PTRH2: variants seen among roughly 807,000 people sequenced by gnomAD.
PTRH2 encodes peptidyl-tRNA hydrolase 2.
In PTRH2, 10 loss-of-function variants were observed where a neutral mutation model predicts 12.3. The observed-to-expected ratio is 0.81, with a 90% CI of 0.50 to 1.38. PTRH2 has a LOEUF of 1.38. Among genes scored for constraint, PTRH2 ranks in the 40% most tolerant of loss-of-function variants. The probability of loss-of-function intolerance (pLI) is 0.00; values close to 1 mark genes in which losing one functional copy is unlikely to be tolerated. For synonymous variants in PTRH2, 73 were observed against 77.4 expected, an observed-to-expected ratio of 0.94 and a Z score of 0.30; for missense variants, 176 against 214.1, an observed-to-expected ratio of 0.82 and a Z score of 1.11.
chr17:59,697,663 T>G lies in PTRH2; in HGVS notation c.316A>C (p.Lys106Gln). ...QIQRRNPEMLKQWEYCGQPKV... is the reference protein window; with the variant it reads ...QIQRRNPEMLQQWEYCGQPKV... ...GGCTGGCCACAGTATTCCCATTGTT[T>G]GAGCATTTCAGGATTTCTTCTTTGA... The change falls in exon 2 of 2, where the codon AAA becomes CAA. Residue 106 changes from lysine (K) to glutamine (Q), a missense_variant. Coordinates refer to ENST00000393038, the MANE Select transcript of PTRH2 (RefSeq NM_016077.5). 1 of 1,614,228 alleles carries G rather than the reference T, an allele frequency of 6.2e-7. No homozygotes were observed. The highest frequency in any genetic ancestry group is 8.5e-7 in the Non-Finnish European group (1 of 1,180,030).
At chr17:59,706,687 T>C (rs2033674731) in intron 1 of PTRH2, among the ~76,000 whole-genome samples, 1 of 151,608 alleles carries the variant, frequency 6.6e-6, no homozygotes, top group Non-Finnish European at 1.5e-5. Context: ...TTTTTTTTTT[T>C]TTCTGAGACG....
At chr17:59,700,112 G>A (rs1422482976) in intron 1 of PTRH2, 2 of 152,208 alleles carry the variant, frequency 1.3e-5, no homozygotes, top group African/African-American at 4.8e-5. Flanking sequence ...CTACTGAATG[G>A]GTGTCTCTTT....
chr17:59,698,536 T>G (rs1567985178), intron 1 of PTRH2: 1 of 248,652 alleles, frequency 4.0e-6, no homozygotes, highest in Non-Finnish European at 7.8e-6. Context: ...GCTGAAAAAC[T>G]TAATAACTGA....
chr17:59,697,482 G>A lies in PTRH2; in HGVS notation c.497C>T (p.Ala166Val). 1 of 1,613,874 alleles carries A rather than the reference G, an allele frequency of 6.2e-7. No homozygotes were observed. Among genetic ancestry groups the A allele is most frequent in the South Asian group, 1.1e-5 (1 of 91,064 alleles). ...QTVLGIGPGP[A>V]DLIDKVTGHL... ...ACCAGTGACTTTGTCAATTAGGTCT[G>A]CTGGTCCTGGCCCAATCCCTAGGAC... Residue 166 changes from alanine (A) to valine (V), a missense_variant, in exon 2 of 2, where the codon GCA (alanine) becomes GTA (valine). Transcript: ENST00000393038.
At chr17:59,702,594 T>C (rs906632088) in intron 1 of PTRH2, among the ~76,000 whole-genome samples, 1 of 152,182 alleles carries the variant, frequency 6.6e-6, no homozygotes, top group African/African-American at 2.4e-5. Context: ...CAGTTGGCAA[T>C]AGATACAGGG....
At chr17:59,705,629 A>G (rs951111849) in intron 1 of PTRH2, among the ~76,000 whole-genome samples, 5 of 152,130 alleles carry the variant, frequency 3.3e-5, no homozygotes, top group Non-Finnish European at 7.4e-5. Context: ...TGGTCTTGCT[A>G]TGTTGCCCAG....
chr17:59,702,927 A>G (rs1295765221), intron 1 of PTRH2, among the ~76,000 whole-genome samples: 4 of 152,182 alleles, frequency 2.6e-5, no homozygotes, highest in Admixed American at 2.6e-4. Flanking sequence ...ATTGTACGCT[A>G]ATAAATTAAG....
chr17:59,699,027 A>G (rs2033506037), intron 1 of PTRH2: 1 of 618,298 alleles, frequency 1.6e-6, no homozygotes, highest in Non-Finnish European at 2.9e-6. Context: ...TGGGACATCA[A>G]CACTAGTTGA....
intron 1 of PTRH2, among the ~76,000 whole-genome samples, chr17:59,704,378 C>G (rs976158552): frequency 1.3e-5 from 2 of 151,956 alleles, no homozygotes; most frequent in Middle Eastern, 3.4e-3. Context: ...AAAGACATCT[C>G]AGAGATATCT....
At chr17:59,705,355 G>T (rs1373426294) in intron 1 of PTRH2, among the ~76,000 whole-genome samples, 1 of 152,118 alleles carries the variant, frequency 6.6e-6, no homozygotes, top group African/African-American at 2.4e-5. Flanking sequence ...CACATAAAAA[G>T]GAAGATATAT....
At chr17:59,702,029 T>C (rs1360332409) in intron 1 of PTRH2, among the ~76,000 whole-genome samples, 1 of 152,130 alleles carries the variant, frequency 6.6e-6, no homozygotes, top group African/African-American at 2.4e-5. Context: ...TAGCTCAAAA[T>C]TTCCACAATA....
chr17:59,703,708 G>C (rs1166484076), intron 1 of PTRH2, among the ~76,000 whole-genome samples: 1 of 152,064 alleles, frequency 6.6e-6, no homozygotes, highest in Non-Finnish European at 1.5e-5. Flanking sequence ...GTTTCACCAG[G>C]TTGGCCAGGC....
intron 1 of PTRH2, chr17:59,699,158 T>A (rs1035506746): frequency 3.2e-5 from 12 of 377,998 alleles, no homozygotes; most frequent in East Asian, 9.6e-5. Context: ...TCTGCGCCTG[T>A]CAACTGTGGC....
At chr17:59,699,505 A>G (rs527429240) in intron 1 of PTRH2, 1 of 153,420 alleles carries the variant, frequency 6.5e-6, no homozygotes, top group South Asian at 2.1e-4. Flanking sequence ...ATTTGTGTAT[A>G]TGTAGGATCA....
At chr17:59,701,745 G>A (rs564705440) in intron 1 of PTRH2, among the ~76,000 whole-genome samples, 4 of 151,926 alleles carry the variant, frequency 2.6e-5, no homozygotes, top group East Asian at 1.9e-4. Context: ...TCGCTCTGTC[G>A]CCCAGGCTAG....
At chr17:59,705,108 A>C (rs1034526053) in intron 1 of PTRH2, among the ~76,000 whole-genome samples, 1 of 152,198 alleles carries the variant, frequency 6.6e-6, no homozygotes, top group Admixed American at 6.5e-5. Flanking sequence ...TGATGCTTAC[A>C]TATCAGCAGG....
At position 59,698,470 on chromosome 17, in the gene PTRH2, G is replaced by T. The variant is rs142334408; in HGVS notation, c.1-492C>A. The stretch of plus-strand genomic sequence containing the variant: ...CACTACTGAAATTTACTAAGCCTGA[G>T]CAAGGATGCTAAAAACCTTACAAAA... On this transcript the variant is annotated intron_variant, in intron 1 of 1. Coordinates refer to ENST00000393038, the MANE Select transcript of PTRH2 (RefSeq NM_016077.5). The T allele has an allele frequency of 1.9e-3, 433 of 223,420 alleles. 2 individuals are homozygous for T. The highest frequency in any genetic ancestry group is 8.8e-3 in the African/African-American group (380 of 43,256). 13.8% of individuals were successfully genotyped at this position (223,420 alleles called of 1,614,324 possible).
intron 1 of PTRH2, among the ~76,000 whole-genome samples, chr17:59,704,674 G>C (rs1397686528): frequency 2.0e-5 from 3 of 152,190 alleles, no homozygotes; most frequent in African/African-American, 7.2e-5. Flanking sequence ...AGTGCACCTA[G>C]TTTCAGTGCT....
intron 1 of PTRH2, chr17:59,698,765 T>A: frequency 1.5e-6 from 1 of 661,884 alleles, no homozygotes; most frequent in Non-Finnish European, 2.7e-6. Flanking sequence ...TAGCCTACAG[T>A]TGGACAAAAA....
Sources: gnomAD v4.1 joint callset for allele counts (sites outside exome capture counted in the v4.1 genomes callset) on GRCh38, gnomAD v4.1.1 for gene constraint, MANE v1.5 for transcripts, NCBI Gene and HGNC (gene_info 2026-07-23, HGNC 2026-07-21) for gene names.